C5orf63: variants seen among roughly 807,000 people sequenced by gnomAD.
C5orf63 encodes the protein glutaredoxin-like protein C5orf63.
Under a neutral mutation model 13.3 loss-of-function variants are expected in C5orf63, and 18 were observed. That is an observed-to-expected ratio of 1.36 (90% confidence interval 0.94 to 2.01). C5orf63 has a LOEUF of 2.01. Ranked by LOEUF, C5orf63 falls within the 30% of genes most tolerant of loss-of-function variation. C5orf63 has a pLI of 0.00. For synonymous variants in C5orf63, 38 were observed against 44.7 expected (o/e 0.85, Z 0.60); for missense variants, 118 against 127.7 (o/e 0.92, Z 0.36).
At chr5:127,043,541 G>C (rs895937748), downstream of C5orf63, 1 of 152,170 alleles carries the variant, frequency 6.6e-6, no homozygotes, top group Non-Finnish European at 1.5e-5. Flanking sequence ...ATCACAATGG[G>C]AATCAATCCC....
intron 3 of C5orf63, among the ~76,000 whole-genome samples, chr5:127,057,690 A>G (rs777743456): frequency 5.3e-5 from 8 of 152,238 alleles, no homozygotes; most frequent in Non-Finnish European, 1.0e-4. Context: ...GATTTCAGTT[A>G]CCCAAAGCAT....
downstream of C5orf63, chr5:127,044,283 T>C (rs1753470798): frequency 6.6e-6 from 1 of 152,204 alleles, no homozygotes; most frequent in African/African-American, 2.4e-5. Flanking sequence ...TTCTTATTAC[T>C]ACTAGTCTAT....
chr5:127,046,559 T>C (rs1458523507), downstream of C5orf63: 2 of 152,196 alleles, frequency 1.3e-5, no homozygotes, highest in Admixed American at 6.5e-5. Context: ...CGTGCCAGAG[T>C]TGCTGGTCAT....
At chr5:127,060,146 A>G (rs1754045605) in intron 2 of C5orf63, among the ~76,000 whole-genome samples, 1 of 152,198 alleles carries the variant, frequency 6.6e-6, no homozygotes, top group Admixed American at 6.5e-5. Flanking sequence ...CTCAAAAAAA[A>G]CAAAAACAAG....
chr5:127,066,548 T>C (rs1561492608), intron 2 of C5orf63, among the ~76,000 whole-genome samples: 1 of 151,942 alleles, frequency 6.6e-6, no homozygotes, highest in African/African-American at 2.4e-5. Context: ...TCTAGGTGGG[T>C]GGCAGTGCCT....
intron 3 of C5orf63, 188 bp downstream of exon 3, chr5:127,058,694 T>TA: frequency 1.8e-6 from 1 of 563,598 alleles, no homozygotes; most frequent in Admixed American, 3.2e-5. Flanking sequence ...TACATCAATT[T>TA]ACTCTTTGCT....
intron 2 of C5orf63, among the ~76,000 whole-genome samples, chr5:127,071,074 T>G (rs996280564): frequency 2.0e-5 from 3 of 152,242 alleles, no homozygotes; most frequent in Non-Finnish European, 2.9e-5. Context: ...TTTTCATTTC[T>G]ATAGCTTGTA....
chr5:127,061,678 C>T (rs1163544710), intron 2 of C5orf63, among the ~76,000 whole-genome samples: 1 of 152,134 alleles, frequency 6.6e-6, no homozygotes, highest in African/African-American at 2.4e-5. Context: ...GACATACCTT[C>T]TAAACACAGC....
At chr5:127,061,011 AAGT>A (rs1754085065) in intron 2 of C5orf63, among the ~76,000 whole-genome samples, 1 of 152,212 alleles carries the variant, frequency 6.6e-6, no homozygotes, top group Non-Finnish European at 1.5e-5. Flanking sequence ...TGTATGTTAA[AAGT>A]ATTGAAGTGA....
At chr5:127,064,037 T>C (rs960904190) in intron 2 of C5orf63, among the ~76,000 whole-genome samples, 1 of 152,224 alleles carries the variant, frequency 6.6e-6, no homozygotes, top group African/African-American at 2.4e-5. Context: ...AATTGATGCC[T>C]CCCCAGTGTG....
intron 1 of C5orf63, 72 bp downstream of exon 1, chr5:127,073,379 C>T (rs1178651222): frequency 6.6e-6 from 1 of 152,334 alleles, no homozygotes; most frequent in Non-Finnish European, 1.5e-5. Context: ...CGAACCCCCG[C>T]CAGCCTGCGC....
At chr5:127,044,483 C>T (rs1047210430), downstream of C5orf63, 2 of 152,054 alleles carry the variant, frequency 1.3e-5, no homozygotes, top group Admixed American at 6.6e-5. Flanking sequence ...GAAGACCGAT[C>T]GAATGAGGCC....
chr5:127,064,676 C>T (rs140282899), intron 2 of C5orf63, among the ~76,000 whole-genome samples: 2,160 of 152,262 alleles, frequency 0.014, 61 homozygotes, highest in African/African-American at 0.049. Context: ...TGAGAGAAGC[C>T]AGCAAAGAAT....
chr5:127,066,164 C>T (rs1754322961), intron 2 of C5orf63, among the ~76,000 whole-genome samples: 1 of 151,696 alleles, frequency 6.6e-6, no homozygotes, highest in Admixed American at 6.6e-5. Flanking sequence ...GCAGAGTACA[C>T]CAAGGAAAAG....
intron 2 of C5orf63, among the ~76,000 whole-genome samples, chr5:127,060,729 C>A (rs1455462992): frequency 6.6e-6 from 1 of 152,306 alleles, no homozygotes; most frequent in East Asian, 1.9e-4. Context: ...TGCTTTACTT[C>A]TGCATGAAAA....
Position 127,064,016 on chromosome 5 carries a change from G to A in C5orf63, c.-7-5014C>T, listed in dbSNP as rs370617011. On this transcript the variant is annotated intron_variant, in intron 2 of 4. Transcript: ENST00000296662. Reference sequence around the variant, plus strand: ...GGTCACTGGGCTCTACCAATCCAGCGAAACAGGGACAATTGATGCCTCCCC... The same window carrying A: ...GGTCACTGGGCTCTACCAATCCAGCAAAACAGGGACAATTGATGCCTCCCC... 1.7e-3 allele frequency among the ~76,000 whole-genome samples: 260 copies of A among 152,230 alleles called. 6 individuals are homozygous for A. The South Asian group carries it at 0.05, about 29-fold the overall frequency.
At chr5:127,066,045 A>G (rs1754317622) in intron 2 of C5orf63, among the ~76,000 whole-genome samples, 1 of 152,168 alleles carries the variant, frequency 6.6e-6, no homozygotes, top group African/African-American at 2.4e-5. Flanking sequence ...TAATTAAGGT[A>G]TTCTCTGAGC....
intron 2 of C5orf63, among the ~76,000 whole-genome samples, chr5:127,065,826 T>C (rs2126898313): frequency 6.6e-6 from 1 of 152,286 alleles, no homozygotes; most frequent in South Asian, 2.1e-4. Context: ...GGATGCATTA[T>C]TTATTCAACA....
At chr5:127,043,091 G>A (rs147624087), downstream of C5orf63, 295 of 152,208 alleles carry the variant, frequency 1.9e-3, 1 homozygote, top group African/African-American at 6.9e-3. Context: ...GTCTCACTTT[G>A]TGTACAGGTC....
Sources: gnomAD v4.1 joint callset for allele counts (sites outside exome capture counted in the v4.1 genomes callset) on GRCh38, gnomAD v4.1.1 for gene constraint, MANE v1.5 for transcripts, NCBI Gene and HGNC (gene_info 2026-07-23, HGNC 2026-07-21) for gene names.